NCAN: variants seen among roughly 807,000 people sequenced by gnomAD.
The protein encoded by NCAN is neurocan core protein.
A neutral mutation model predicts 121.8 loss-of-function variants in NCAN; 47 were observed. That is an observed-to-expected ratio of 0.39 (90% CI 0.31 to 0.49). The LOEUF is 0.49. Ranked by LOEUF, NCAN falls within the 20% of genes least tolerant of loss-of-function variation. NCAN has a pLI of 0.92. For synonymous variants in NCAN, 633 were observed against 702.0 expected, an observed-to-expected ratio of 0.90 and a Z score of 1.55; for missense variants, 1,517 against 1,773.4, an observed-to-expected ratio of 0.86 and a Z score of 2.60.
chr19:19,222,569 A>G (rs1486548955), intron 3 of NCAN, among the ~76,000 whole-genome samples: 1 of 152,170 alleles, frequency 6.6e-6, no homozygotes. Context: ...ATGAGCTGCT[A>G]TGCCCGGACA....
chr19:19,242,819 C>T (rs1180295675), intron 12 of NCAN, among the ~76,000 whole-genome samples: 1 of 152,076 alleles, frequency 6.6e-6, no homozygotes, highest in African/African-American at 2.4e-5. Context: ...TCCATCCATG[C>T]AATGGAATAT....
chr19:19,217,460 T>TC (rs201789808), intron 2 of NCAN, among the ~76,000 whole-genome samples: 1 of 151,684 alleles, frequency 6.6e-6, no homozygotes, highest in African/African-American at 2.4e-5. Flanking sequence ...TTTCCTCAAC[T>TC]CCCCCCAAAG....
Position 19,233,691 on chromosome 19 carries a change from G to A in NCAN, c.3020-98G>A, listed in dbSNP as rs565179362. 10 of 752,682 alleles carry A rather than the reference G, an allele frequency of 1.3e-5. No homozygotes were observed. The African/African-American group carries it at 1.4e-4, about 10-fold the overall frequency. 46.6% of individuals were successfully genotyped at this position (752,682 alleles called of 1,614,324 possible). ...GTTATAAAGAGGGCTCCATAGAGAG[G>A]GTTTGATTAGAGTGGTTTGGGGGCC... On this transcript the variant is annotated intron_variant, in intron 8 of 14. Coordinates refer to ENST00000252575, the MANE Select transcript of NCAN (RefSeq NM_004386.3).
rs749710007 is a variant in NCAN at position 19,227,947 on chromosome 19, A to G, written c.2327A>G (p.Asp776Gly). 3 of 1,613,300 alleles carry G rather than the reference A, an allele frequency of 1.9e-6. No homozygotes were observed. Among genetic ancestry groups the G allele is most frequent in the Non-Finnish European group, 2.5e-6 (3 of 1,179,974 alleles). The change falls in exon 8 of 15, where the codon GAT becomes GGT. Residue 776 changes from aspartate to glycine, a missense_variant. Coordinates refer to ENST00000252575, the MANE Select transcript of NCAN (RefSeq NM_004386.3). The surrounding 1 kb of genome is among the most constrained non-coding windows in gnomAD (Gnocchi z 4.2). ...SPTSGLQATV[D>G]EVQDPWPSVY... ...ACTTCTGGCTTGCAGGCCACTGTAG[A>G]TGAGGTGCAGGACCCCTGGCCCTCA...
chr19:19,227,747 G>A lies in NCAN; in HGVS notation c.2127G>A (p.Gly709=). Residue 709 remains glycine, a synonymous_variant, in exon 8 of 15, where the codon GGG becomes GGA. Coordinates refer to ENST00000252575, the MANE Select transcript of NCAN (RefSeq NM_004386.3). This position sits in a 1 kb window ranked among gnomAD's most constrained non-coding sequence, Gnocchi z 4.2. ...ESPRADFRET[G]ETSPAQVNKA... ...CCAGGGCAGACTTCAGAGAAACTGG[G>A]GAGACCAGCCCTGCTCAGGTCAACA... The A allele has an allele frequency of 6.2e-7, 1 of 1,613,784 alleles. No homozygotes were observed. Among genetic ancestry groups the A allele is most frequent in the South Asian group, 1.1e-5 (1 of 91,080 alleles).
chr19:19,213,279 G>C (rs966354608), intron 1 of NCAN, among the ~76,000 whole-genome samples: 2 of 152,110 alleles, frequency 1.3e-5, no homozygotes, highest in Non-Finnish European at 2.9e-5. Flanking sequence ...GGCAGGGAGG[G>C]GGAGTATGCC....
intron 12 of NCAN, among the ~76,000 whole-genome samples, chr19:19,241,319 T>G (rs930646849): frequency 2.0e-5 from 3 of 151,810 alleles, no homozygotes; most frequent in African/African-American, 7.3e-5. Context: ...TCCCAGCACT[T>G]TGGGAGACTG....
intron 8 of NCAN, among the ~76,000 whole-genome samples, chr19:19,229,045 T>C (rs2060848728): frequency 6.6e-6 from 1 of 152,104 alleles, no homozygotes; most frequent in African/African-American, 2.4e-5. Context: ...CCGTCTCTAC[T>C]AGAAATATAA....
chr19:19,224,158 A>G lies in NCAN; in HGVS notation c.613A>G (p.Asn205Asp). ...GGCTGCCTTTGAGGATGGCTTTGAC[A>G]ACTGTGATGCTGGCTGGCTCTCTGA... ...LQAAFEDGFD[N>D]CDAGWLSDRT... The change falls in exon 4 of 15, where the codon AAC becomes GAC. Residue 205 changes from asparagine (N) to aspartate (D), a missense_variant. Coordinates refer to ENST00000252575, the MANE Select transcript of NCAN (RefSeq NM_004386.3). The G allele has an allele frequency of 6.2e-7, 1 of 1,600,382 alleles. No individual in the cohort carries two copies. The highest frequency in any genetic ancestry group is 1.3e-5 in the African/African-American group (1 of 74,820).
At chr19:19,221,483 G>A (rs182442245) in intron 3 of NCAN, among the ~76,000 whole-genome samples, 2 of 151,356 alleles carry the variant, frequency 1.3e-5, no homozygotes, top group East Asian at 2.0e-4. Context: ...CAGGAGAATC[G>A]CTTGAACCCA....
intron 4 of NCAN, 44 bp from the exon 5 acceptor site, chr19:19,224,262 C>G (rs2060826953): frequency 6.3e-7 from 1 of 1,599,388 alleles, no homozygotes; most frequent in East Asian, 2.2e-5. Flanking sequence ...CTTGGGGGCT[C>G]CAGGAGCACA....
intron 1 of NCAN, among the ~76,000 whole-genome samples, chr19:19,214,727 G>GT (rs2060789796): frequency 4.7e-4 from 66 of 141,246 alleles, no homozygotes; most frequent in African/African-American, 1.5e-3. Context: ...CTGTTAACGG[G>GT]GTGTGTGTGT....
intron 12 of NCAN, among the ~76,000 whole-genome samples, chr19:19,244,478 T>G (rs1305347855): frequency 6.6e-6 from 1 of 151,546 alleles, no homozygotes; most frequent in Admixed American, 6.6e-5. Flanking sequence ...CCGGCTAATT[T>G]TTGTATTTTT....
In NCAN at chr19:19,219,155, A is replaced by G. The variant is rs1007556792; in HGVS notation, c.314A>G (p.Lys105Arg). Residue 105 changes from lysine (K) to arginine (R), a missense_variant, in exon 3 of 15, where the codon AAA (lysine) becomes AGA (arginine). Coordinates refer to ENST00000252575, the MANE Select transcript of NCAN (RefSeq NM_004386.3). ...VAKDNVVRVA[K>R]SWQGRVSLPS... ...AAGGACAATGTCGTGAGGGTGGCCAAAAGCTGGCAGGGACGAGTGTCACTG... is the reference window on the plus strand; with the variant it reads ...AAGGACAATGTCGTGAGGGTGGCCAGAAGCTGGCAGGGACGAGTGTCACTG... 8 of 1,613,770 alleles carry G rather than the reference A, an allele frequency of 5.0e-6. No homozygotes were observed. Among genetic ancestry groups the G allele is most frequent in the Non-Finnish European group, 6.8e-6 (8 of 1,180,036 alleles).
rs980437737 is a variant in NCAN at position 19,212,318 on chromosome 19, G to T, written c.-8+254G>T. On this transcript the variant is annotated intron_variant, in intron 1 of 14. Coordinates refer to ENST00000252575, the MANE Select transcript of NCAN (RefSeq NM_004386.3). This position sits in a 1 kb window ranked among gnomAD's most constrained non-coding sequence, Gnocchi z 4.5. ...ACTACCCCCCGGTGGGGAGGGGGCC[G>T]GGCTGGGGGTGGGTCTCAGGGTTGA... Among the ~76,000 whole-genome samples, 12 of 151,378 alleles carry T rather than the reference G, an allele frequency of 7.9e-5. No individual in the cohort carries two copies. Among genetic ancestry groups the T allele is most frequent in the African/African-American group, 2.9e-4 (12 of 41,136 alleles).
At chr19:19,242,228 AG>A (rs2060905723) in intron 12 of NCAN, among the ~76,000 whole-genome samples, 1 of 152,122 alleles carries the variant, frequency 6.6e-6, no homozygotes, top group Admixed American at 6.5e-5. Context: ...AATTGTACTA[AG>A]AAAGAAAAAG....
chr19:19,216,863 TG>T (rs1179994828), intron 1 of NCAN, 83 bp from the exon 2 acceptor site: 7 of 691,684 alleles, frequency 1.0e-5, no homozygotes, highest in Non-Finnish European at 8.7e-6. Context: ...ATCTGTAGAG[TG>T]GGGGAGTTTG....
chr19:19,221,105 T>C (rs1434657885), intron 3 of NCAN, among the ~76,000 whole-genome samples: 2 of 151,652 alleles, frequency 1.3e-5, no homozygotes, highest in Non-Finnish European at 2.9e-5. Context: ...CCAGGTATGA[T>C]GGTGTGTTCC....
chr19:19,238,557 C>T, intron 11 of NCAN, 146 bp downstream of exon 11: 2 of 831,188 alleles, frequency 2.4e-6, no homozygotes, highest in Non-Finnish European at 3.9e-6. Flanking sequence ...GCCCTGACTG[C>T]TTCTTAATGC....
Sources: gnomAD v4.1 joint callset for allele counts (sites outside exome capture counted in the v4.1 genomes callset) on GRCh38, gnomAD v4.1.1 for gene constraint, Gnocchi (gnomAD v3.1) non-coding constraint, MANE v1.5 for transcripts, NCBI Gene and HGNC (gene_info 2026-07-23, HGNC 2026-07-21) for gene names.